The following PLCE1 variants were observed in gnomAD, a reference collection of about 807,000 sequenced individuals.
PLCE1 encodes phospholipase C epsilon 1, also known as 1-phosphatidylinositol 4,5-bisphosphate phosphodiesterase epsilon-1.
In PLCE1, 119 loss-of-function variants were observed where a neutral mutation model predicts 242.8. The observed-to-expected ratio is 0.49, with a 90% CI of 0.42 to 0.57. The LOEUF is 0.57. Ranked by LOEUF, PLCE1 falls within the 20% of genes least tolerant of loss-of-function variation. The pLI, the probability that PLCE1 is intolerant of heterozygous loss-of-function variation, is 0.00. For synonymous variants in PLCE1, 945 were observed against 1,017.4 expected (o/e 0.93, Z 1.35); for missense variants, 2,441 against 2,788.8 (o/e 0.88, Z 2.81).
intron 30 of PLCE1, among the ~76,000 whole-genome samples, 175 bp from the exon 31 acceptor site, chr10:94,324,174 A>AAATT (rs1169568015): frequency 6.6e-6 from 1 of 152,212 alleles, no homozygotes; most frequent in Non-Finnish European, 1.5e-5. Flanking sequence ...GTAACGTGGG[A>AAATT]AATTACATTA....
chr10:94,088,376 G>A (rs2044925315), intron 2 of PLCE1, among the ~76,000 whole-genome samples: 1 of 152,200 alleles, frequency 6.6e-6, no homozygotes, highest in Admixed American at 6.5e-5. Flanking sequence ...CTGCAATGAA[G>A]CCTTACCAGG....
chr10:94,255,914 A>ACACTCTCTCTCTCTCT (rs1284531207), intron 11 of PLCE1, among the ~76,000 whole-genome samples: 46 of 67,320 alleles, frequency 6.8e-4, no homozygotes, highest in Non-Finnish European at 9.9e-4. Context: ...ACACACACAC[A>ACACTCTCTCTCTCTCT]CTCTCTCTCT....
intron 2 of PLCE1, among the ~76,000 whole-genome samples, chr10:94,060,399 A>G (rs1298316611): frequency 1.3e-5 from 2 of 152,160 alleles, no homozygotes; most frequent in Non-Finnish European, 2.9e-5. Flanking sequence ...AACTGGTTAG[A>G]AATTTTAATT....
At chr10:94,325,248 A>T (rs2053966922) in intron 32 of PLCE1, 144 bp downstream of exon 32, 2 of 660,832 alleles carry the variant, frequency 3.0e-6, no homozygotes, top group South Asian at 3.5e-5. Context: ...TTAAAACAGG[A>T]AAAGGGCTCT....
intron 2 of PLCE1, among the ~76,000 whole-genome samples, chr10:94,077,770 A>C (rs111844858): frequency 3.9e-5 from 6 of 152,318 alleles, no homozygotes; most frequent in South Asian, 2.1e-4. Flanking sequence ...CTGTTTCAAA[A>C]AAACAAACAA....
chr10:94,236,119 C>A lies in PLCE1; in HGVS notation c.2419C>A (p.Gln807Lys). 6.2e-7 allele frequency: 1 copy of A among 1,612,392 alleles called. No individual in the cohort carries two copies. The highest frequency in any genetic ancestry group is 2.2e-5 in the East Asian group (1 of 44,846). Reference protein sequence around the residue: ...KSSLKDKSRWQFIIGDLLDSD... With the variant: ...KSSLKDKSRWKFIIGDLLDSD... ...CTCCTTGAAGGATAAAAGCCGATGG[C>A]AGTAAGTTTTACACGTTAAAAGTGA... The change falls in exon 7 of 33, where the codon CAG becomes AAG. Residue 807 changes from glutamine to lysine, a missense_variant and splice_region_variant. Gln to Lys is a moderately conservative substitution (Grantham distance 53, BLOSUM62 1). Transcript: ENST00000371380.
chr10:94,129,630 C>G (rs1023383520), intron 2 of PLCE1, among the ~76,000 whole-genome samples: 4 of 152,104 alleles, frequency 2.6e-5, no homozygotes, highest in African/African-American at 9.7e-5. Flanking sequence ...AATGAGCCAG[C>G]GCAGCAGCTT....
intron 3 of PLCE1, among the ~76,000 whole-genome samples, chr10:94,143,506 A>G (rs2047030617): frequency 6.6e-6 from 1 of 152,222 alleles, no homozygotes; most frequent in Admixed American, 6.5e-5. Context: ...GGGAACATTT[A>G]TAGAACATAA....
chr10:93,999,506 C>T (rs188039190), intron 1 of PLCE1, among the ~76,000 whole-genome samples: 8 of 152,182 alleles, frequency 5.3e-5, no homozygotes, highest in Admixed American at 2.6e-4. Flanking sequence ...TGTGACTGTA[C>T]GTGGGGAAAA....
At chr10:94,157,693 G>A (rs559052840) in intron 3 of PLCE1, among the ~76,000 whole-genome samples, 14 of 152,336 alleles carry the variant, frequency 9.2e-5, no homozygotes, top group Admixed American at 6.5e-4. Flanking sequence ...TTTCTGATGT[G>A]TAAAGTGTGG....
At chr10:94,025,399 A>G (rs2134422366) in intron 1 of PLCE1, among the ~76,000 whole-genome samples, 1 of 152,252 alleles carries the variant, frequency 6.6e-6, no homozygotes, top group East Asian at 1.9e-4. Flanking sequence ...CCTACTGATA[A>G]TGTTGTAAAG....
chr10:94,177,117 T>G (rs947936222), intron 4 of PLCE1, among the ~76,000 whole-genome samples: 1 of 152,202 alleles, frequency 6.6e-6, no homozygotes, highest in Non-Finnish European at 1.5e-5. Flanking sequence ...TTAACTGTAA[T>G]GTGAGAAAAA....
At position 94,236,019 on chromosome 10, in the gene PLCE1, C is replaced by T. The variant is rs776969532; in HGVS notation, c.2319C>T (p.Val773=). 9.3e-6 allele frequency: 15 copies of T among 1,614,030 alleles called. No homozygotes were observed. The highest frequency in any genetic ancestry group is 1.7e-5 in the Admixed American group (1 of 60,022). Residue 773 remains valine, a synonymous_variant, in exon 7 of 33, where the codon GTC becomes GTT. Coordinates refer to ENST00000371380, the MANE Select transcript of PLCE1 (RefSeq NM_016341.4). ...CCACTGTCAACAGCATCTTTCAGGT[C>T]ATCCGGAGCTGCAATCGAAGTCTGG... ...KESTVNSIFQ[V]IRSCNRSLET...
chr10:94,132,949 CAAA>C lies in PLCE1; in HGVS notation c.1492+508_1492+510del, dbSNP rs33967020. Among the ~76,000 whole-genome samples, 511 of 88,844 alleles carry C rather than the reference CAAA, an allele frequency of 5.8e-3. 1 individual carries two copies. Among genetic ancestry groups the C allele is most frequent in the African/African-American group, 9.4e-3 (218 of 23,166 alleles). 58.3% of individuals were successfully genotyped at this position (88,844 alleles called of 152,430 possible). On this transcript the variant is annotated intron_variant, in intron 3 of 32. Transcript: ENST00000371380. ...TAGGCAACAGAGTGAGACTCCATCT[CAAA>C]AAAAAAAAAAAAAAAAAGATTTTTG...
intron 24 of PLCE1, among the ~76,000 whole-genome samples, chr10:94,304,125 T>C (rs1469541884): frequency 6.6e-6 from 1 of 152,158 alleles, no homozygotes; most frequent in Non-Finnish European, 1.5e-5. Flanking sequence ...CTGGAACCAA[T>C]CCCCCATGGT....
chr10:94,302,799 G>A (rs1176820118), intron 24 of PLCE1, among the ~76,000 whole-genome samples: 1 of 152,240 alleles, frequency 6.6e-6, no homozygotes, highest in Non-Finnish European at 1.5e-5. Context: ...TGCACATAAA[G>A]TGCTTAGAAT....
At chr10:94,052,318 A>G (rs1393811370) in intron 2 of PLCE1, among the ~76,000 whole-genome samples, 5 of 152,200 alleles carry the variant, frequency 3.3e-5, no homozygotes, top group Non-Finnish European at 5.9e-5. Flanking sequence ...GAGATAATAA[A>G]CAAATCTTTG....
At chr10:94,228,230 A>G (rs1025194350) in intron 5 of PLCE1, among the ~76,000 whole-genome samples, 6 of 127,308 alleles carry the variant, frequency 4.7e-5, no homozygotes, top group African/African-American at 1.8e-4. Context: ...TACCTGGCAT[A>G]AAGTAACTGT....
intron 11 of PLCE1, among the ~76,000 whole-genome samples, chr10:94,255,347 A>G (rs2051034566): frequency 2.0e-5 from 3 of 152,196 alleles, no homozygotes; most frequent in Admixed American, 2.0e-4. Context: ...TTCAAATGTA[A>G]ATTAATTAAA....
Sources: gnomAD v4.1 joint callset for allele counts (sites outside exome capture counted in the v4.1 genomes callset) on GRCh38, gnomAD v4.1.1 for gene constraint, MANE v1.5 for transcripts, NCBI Gene and HGNC (gene_info 2026-07-23, HGNC 2026-07-21) for gene names.